Variants in HUNK observed in about 807,000 individuals in gnomAD.
HUNK encodes the protein hormonally up-regulated neu tumor-associated kinase.
Under a neutral mutation model 61.0 loss-of-function variants are expected in HUNK, and 21 were observed. The ratio of observed to expected loss-of-function variants is 0.34; its 90% confidence interval spans 0.24 to 0.50. The LOEUF (loss-of-function observed/expected upper bound fraction) is 0.50, where lower values mean the gene tolerates loss of function less well. Ranked by LOEUF, HUNK falls within the 20% of genes least tolerant of loss-of-function variation. The pLI is 0.98. For synonymous variants in HUNK, 371 were observed against 386.1 expected, an observed-to-expected ratio of 0.96 and a Z score of 0.46; for missense variants, 772 against 945.7, an observed-to-expected ratio of 0.82 and a Z score of 2.41.
intron 8 of HUNK, among the ~76,000 whole-genome samples, chr21:31,986,046 G>T (rs1012582644): frequency 1.3e-5 from 2 of 152,156 alleles, no homozygotes; most frequent in Non-Finnish European, 2.9e-5. Flanking sequence ...AAGCCCAGGT[G>T]TGGCTTTCAG....
chr21:31,952,367 C>A (rs1482462977), intron 4 of HUNK, among the ~76,000 whole-genome samples: 1 of 152,190 alleles, frequency 6.6e-6, no homozygotes, highest in Non-Finnish European at 1.5e-5. Flanking sequence ...CAAGGTGCAT[C>A]TCCCGAAGGT....
chr21:31,956,986 T>A (rs752279627), intron 4 of HUNK, among the ~76,000 whole-genome samples: 4 of 152,122 alleles, frequency 2.6e-5, no homozygotes, highest in Non-Finnish European at 4.4e-5. Context: ...TATCTCTCCA[T>A]CCATACAACC....
intron 1 of HUNK, among the ~76,000 whole-genome samples, chr21:31,890,235 T>C (rs1169203810): frequency 1.2e-5 from 1 of 80,934 alleles, no homozygotes; most frequent in African/African-American, 3.2e-5. Context: ...TTTAGATACC[T>C]TTTTTTTTTT....
chr21:31,885,238 A>T (rs1469034452), intron 1 of HUNK, among the ~76,000 whole-genome samples: 1 of 152,248 alleles, frequency 6.6e-6, no homozygotes, highest in Admixed American at 6.5e-5. Flanking sequence ...TAACTTGGAC[A>T]TAAAATGCAC....
At position 31,924,074 on chromosome 21, in the gene HUNK, G is replaced by A; in HGVS notation, c.262-394G>A. ...CAGACCTGGAGGGAGATGATGGTGA[G>A]TCCTGAGGGGGACTGGGACAAGCCC... On this transcript the variant is annotated intron_variant, in intron 1 of 10. Transcript: ENST00000270112. The surrounding 1 kb of genome is among the most constrained non-coding windows in gnomAD (Gnocchi z 5.1). Among the ~76,000 whole-genome samples the A allele has an allele frequency of 6.6e-6, 1 of 152,140 alleles. No homozygotes were observed. Among genetic ancestry groups the A allele is most frequent in the Non-Finnish European group, 1.5e-5 (1 of 68,028 alleles).
intron 6 of HUNK, among the ~76,000 whole-genome samples, chr21:31,973,854 A>T (rs576057703): frequency 6.6e-6 from 1 of 152,328 alleles, no homozygotes; most frequent in South Asian, 2.1e-4. Flanking sequence ...ATGAATGCGT[A>T]GATGAATGAA....
chr21:31,900,446 AAC>A (rs3138690), intron 1 of HUNK, among the ~76,000 whole-genome samples: 2,647 of 142,996 alleles, frequency 0.019, 23 homozygotes, highest in Middle Eastern at 0.036. Flanking sequence ...TAGTTACTGA[AAC>A]ACACACACAC....
intron 1 of HUNK, among the ~76,000 whole-genome samples, chr21:31,891,741 G>A (rs1047524934): frequency 3.9e-5 from 6 of 152,178 alleles, no homozygotes; most frequent in Non-Finnish European, 8.8e-5. Context: ...TTTAGGAAGG[G>A]GGCAAAGGCA....
intron 1 of HUNK, among the ~76,000 whole-genome samples, chr21:31,888,178 C>A (rs1322826181): frequency 1.3e-5 from 2 of 152,088 alleles, no homozygotes; most frequent in African/African-American, 2.4e-5. Flanking sequence ...AATGCCAAAA[C>A]CACATTCACC....
intron 3 of HUNK, among the ~76,000 whole-genome samples, chr21:31,941,732 C>T (rs1003590211): frequency 2.6e-5 from 4 of 152,212 alleles, no homozygotes; most frequent in South Asian, 2.1e-4. Context: ...TCCTCATTTC[C>T]GAGATCTGGA....
intron 9 of HUNK, among the ~76,000 whole-genome samples, chr21:31,993,307 A>C (rs532107594): frequency 3.5e-4 from 53 of 152,246 alleles, no homozygotes; most frequent in African/African-American, 1.2e-3. Flanking sequence ...CTTGATTGTT[A>C]AGCTTTTGAG....
chr21:31,931,104 C>T (rs2052693630), intron 2 of HUNK, among the ~76,000 whole-genome samples: 1 of 146,200 alleles, frequency 6.8e-6, no homozygotes, highest in Non-Finnish European at 1.5e-5. Flanking sequence ...ATGTTCCCTG[C>T]AAAATGCCTG....
chr21:31,978,558 T>G (rs1045455415), intron 7 of HUNK, among the ~76,000 whole-genome samples: 2 of 152,198 alleles, frequency 1.3e-5, no homozygotes, highest in Non-Finnish European at 2.9e-5. Flanking sequence ...TTAGATTCCA[T>G]GTATAAGTGA....
At chr21:31,942,054 G>T (rs1162137073) in intron 3 of HUNK, among the ~76,000 whole-genome samples, 3 of 152,170 alleles carry the variant, frequency 2.0e-5, no homozygotes, top group Admixed American at 2.0e-4. Flanking sequence ...TATTAAAAAT[G>T]CAAAAAGTAG....
In HUNK at chr21:31,999,022, C is replaced by G; in HGVS notation, c.1983C>G (p.Gly661=). ...GCCCCAATTGTGTGAAAAGCCGAGG[C>G]CGGTTCCCTATGATGGGCATCGGAC... ...LGSPNCVKSR[G]RFPMMGIGQM... Residue 661 remains glycine (G), a synonymous_variant, in exon 11 of 11, where the codon GGC becomes GGG. Coordinates refer to ENST00000270112, the MANE Select transcript of HUNK (RefSeq NM_014586.2). The G allele has an allele frequency of 5.0e-6, 8 of 1,614,240 alleles. No individual in the cohort carries two copies. The highest frequency in any genetic ancestry group is 5.1e-6 in the Non-Finnish European group (6 of 1,180,048).
intron 7 of HUNK, among the ~76,000 whole-genome samples, chr21:31,981,634 G>A (rs2053098099): frequency 6.6e-6 from 1 of 151,952 alleles, no homozygotes; most frequent in South Asian, 2.1e-4. Flanking sequence ...AAGTGGCATT[G>A]CTTTCTTGAT....
chr21:31,963,476 T>C (rs1283557976), intron 5 of HUNK, among the ~76,000 whole-genome samples: 1 of 152,240 alleles, frequency 6.6e-6, no homozygotes, highest in Non-Finnish European at 1.5e-5. Context: ...CTTTATTAAT[T>C]GGATGACTCT....
intron 1 of HUNK, among the ~76,000 whole-genome samples, chr21:31,874,604 ACCATTCTCATCCCCG>A (rs1239100848): frequency 4.8e-5 from 2 of 41,904 alleles, no homozygotes; most frequent in Non-Finnish European, 9.5e-5. Context: ...CTCATCACCC[ACCATTCTCATCCCCG>A]CCATTCTCAT....
chr21:31,937,697 T>C (rs1300740010), intron 2 of HUNK, among the ~76,000 whole-genome samples: 1 of 152,244 alleles, frequency 6.6e-6, no homozygotes, highest in Admixed American at 6.5e-5. Context: ...CCTTTTAATG[T>C]ATGGTCTTAA....
Sources: allele counts gnomAD v4.1 joint callset (sites outside exome capture counted in the v4.1 genomes callset), GRCh38; gene constraint gnomAD v4.1.1; non-coding constraint Gnocchi (gnomAD v3.1); transcripts MANE v1.5; gene names NCBI Gene and HGNC (gene_info 2026-07-23, HGNC 2026-07-21).